NTM: variants seen among roughly 807,000 people sequenced by gnomAD.
NTM encodes the protein IgLON family member 2.
In NTM, 13 loss-of-function variants were observed where a neutral mutation model predicts 42.1. The observed-to-expected ratio is 0.31, with a 90% CI of 0.20 to 0.49. The LOEUF (loss-of-function observed/expected upper bound fraction) is 0.49, where lower values mean the gene tolerates loss of function less well. NTM is among the 20% of genes least tolerant of loss of function. The pLI is 0.99. For synonymous variants in NTM, 187 were observed against 179.2 expected, an observed-to-expected ratio of 1.04 and a Z score of -0.35; for missense variants, 373 against 452.8, an observed-to-expected ratio of 0.82 and a Z score of 1.60.
In NTM at chr11:131,704,398, C is replaced by T. The variant is rs1337909598; in HGVS notation, c.83-207166C>T. On this transcript the variant is annotated intron_variant, in intron 1 of 8. Transcript: ENST00000683400. ...TCCACTGACCCAGACACAGCCCCCT[C>T]CAGCATGAGGACTTCAATAGCAAGC... Among the ~76,000 whole-genome samples the T allele has an allele frequency of 1.3e-5, 2 of 152,216 alleles. 1 individual carries two copies. Among genetic ancestry groups the T allele is most frequent in the East Asian group, 3.9e-4 (2 of 5,188 alleles).
chr11:132,022,499 G>T (rs1217203796), intron 2 of NTM, among the ~76,000 whole-genome samples: 1 of 152,226 alleles, frequency 6.6e-6, no homozygotes, highest in Non-Finnish European at 1.5e-5. Flanking sequence ...GTCCCACGTG[G>T]CCCTGCAAAG....
intron 1 of NTM, among the ~76,000 whole-genome samples, chr11:131,711,821 G>C (rs1227649408): frequency 6.6e-6 from 1 of 151,936 alleles, no homozygotes; most frequent in East Asian, 1.9e-4. Context: ...ACGAGTTCAT[G>C]TCCTTTGTAG....
intron 1 of NTM, among the ~76,000 whole-genome samples, chr11:131,859,658 G>A (rs2046421989): frequency 6.6e-6 from 1 of 152,022 alleles, no homozygotes; most frequent in Non-Finnish European, 1.5e-5. Flanking sequence ...TTCCTCATCT[G>A]GAAAATAGGA....
intron 1 of NTM, chr11:131,660,255 T>A (rs1304341351): frequency 2.9e-6 from 1 of 342,092 alleles, no homozygotes; most frequent in African/African-American, 2.1e-5. Flanking sequence ...AGGTGGTTGT[T>A]GGCCTCAGGG....
At chr11:132,294,079 G>A (rs770980328) in intron 4 of NTM, among the ~76,000 whole-genome samples, 1 of 152,132 alleles carries the variant, frequency 6.6e-6, no homozygotes, top group East Asian at 1.9e-4. Context: ...AGGCATCATA[G>A]GAAAGCATGG....
chr11:131,488,158 G>T lies in NTM; in HGVS notation c.82+117270G>T, dbSNP rs752091262. Among the ~76,000 whole-genome samples the T allele has an allele frequency of 2.0e-3, 307 of 152,288 alleles. 5 individuals are homozygous for T. Among genetic ancestry groups the T allele is most frequent in the Admixed American group, 3.3e-3 (50 of 15,302 alleles). On this transcript the variant is annotated intron_variant, in intron 1 of 8. Coordinates refer to ENST00000683400, the MANE Select transcript of NTM (RefSeq NM_001352005.2). ...TCAGGGGCTTTTCCCATTATGTATT[G>T]CTTCAAAATACTCCACCCCAAAACT...
intron 1 of NTM, among the ~76,000 whole-genome samples, chr11:131,658,929 G>T (rs1020398905): frequency 1.3e-5 from 2 of 152,078 alleles, no homozygotes; most frequent in Admixed American, 6.6e-5. Flanking sequence ...CTGATATCGC[G>T]CCACTGCTCT....
At chr11:132,042,004 G>A (rs1295959058) in intron 2 of NTM, among the ~76,000 whole-genome samples, 1 of 152,180 alleles carries the variant, frequency 6.6e-6, no homozygotes, top group Admixed American at 6.5e-5. Context: ...CCTGAGGATT[G>A]AGTACCAGGA....
intron 1 of NTM, among the ~76,000 whole-genome samples, chr11:131,429,592 G>A (rs1241756692): frequency 1.3e-5 from 2 of 152,128 alleles, no homozygotes; most frequent in African/African-American, 2.4e-5. Context: ...TAGGAGTGGG[G>A]AAACAAATGA....
chr11:132,133,341 C>T (rs1342219738), intron 2 of NTM, among the ~76,000 whole-genome samples: 1 of 152,222 alleles, frequency 6.6e-6, no homozygotes, highest in African/African-American at 2.4e-5. Flanking sequence ...TCTTTCTGTG[C>T]CTCTCTGCAT....
chr11:131,929,961 A>T (rs1023851548), intron 2 of NTM, among the ~76,000 whole-genome samples: 1 of 152,146 alleles, frequency 6.6e-6, no homozygotes. Flanking sequence ...TTATTTTCTT[A>T]TCTACTTTTA....
chr11:131,725,874 G>A (rs996843611), intron 1 of NTM, among the ~76,000 whole-genome samples: 2 of 152,166 alleles, frequency 1.3e-5, no homozygotes, highest in African/African-American at 2.4e-5. Context: ...CTTGTGGAGC[G>A]ACAGACCACT....
At chr11:131,391,644 GAA>G (rs5795723) in intron 1 of NTM, among the ~76,000 whole-genome samples, 1 of 81,562 alleles carries the variant, frequency 1.2e-5, no homozygotes, top group Non-Finnish European at 2.2e-5. Flanking sequence ...TTTTATCTGG[GAA>G]AAAAAAAAAA....
chr11:132,263,722 T>C (rs957024031), intron 4 of NTM, among the ~76,000 whole-genome samples: 2 of 152,154 alleles, frequency 1.3e-5, no homozygotes, highest in Non-Finnish European at 2.9e-5. Flanking sequence ...AAGCTAAATA[T>C]CCAGTTTCAT....
At chr11:131,681,797 G>A (rs200599372) in intron 1 of NTM, among the ~76,000 whole-genome samples, 3 of 78,442 alleles carry the variant, frequency 3.8e-5, no homozygotes, top group African/African-American at 1.1e-4. Flanking sequence ...CTGTGTGTAT[G>A]TCTCCCTGTG....
At chr11:132,075,779 C>G (rs1479398438) in intron 2 of NTM, among the ~76,000 whole-genome samples, 1 of 152,162 alleles carries the variant, frequency 6.6e-6, no homozygotes, top group Admixed American at 6.5e-5. Context: ...CTCTCCCTAC[C>G]ATTCCACTCT....
intron 2 of NTM, among the ~76,000 whole-genome samples, chr11:132,027,939 G>A (rs1189517244): frequency 2.0e-5 from 3 of 151,462 alleles, no homozygotes; most frequent in African/African-American, 7.3e-5. Flanking sequence ...CAAATTTCAG[G>A]TTTGGAAGAT....
At chr11:131,796,951 A>G (rs1406906972) in intron 1 of NTM, among the ~76,000 whole-genome samples, 2 of 152,254 alleles carry the variant, frequency 1.3e-5, no homozygotes, top group East Asian at 3.8e-4. Context: ...GAAAATATTT[A>G]GCTAATGATG....
At chr11:131,891,088 T>C (rs573072785) in intron 1 of NTM, among the ~76,000 whole-genome samples, 6 of 152,242 alleles carry the variant, frequency 3.9e-5, no homozygotes, top group Admixed American at 1.3e-4. Context: ...CTTCTATGAG[T>C]CTTTTCATCT....
Sources: allele counts gnomAD v4.1 joint callset (sites outside exome capture counted in the v4.1 genomes callset), GRCh38; gene constraint gnomAD v4.1.1; transcripts MANE v1.5; gene names NCBI Gene and HGNC (gene_info 2026-07-23, HGNC 2026-07-21).